Variants in KIFC3 observed in about 807,000 individuals in gnomAD.
KIFC3 encodes the protein kinesin family member C3.
A neutral mutation model predicts 101.8 loss-of-function variants in KIFC3; 60 were observed. That is an observed-to-expected ratio of 0.59 (90% CI 0.48 to 0.73). KIFC3 has a LOEUF of 0.73. Among genes scored for constraint, KIFC3 ranks in the 30% least tolerant of loss-of-function variants. The pLI is 0.00. For missense variants in KIFC3, 966 were observed against 1,137.1 expected (o/e 0.85, Z 2.16); for synonymous variants, 476 against 482.7 (o/e 0.99, Z 0.18).
intron 1 of KIFC3, among the ~76,000 whole-genome samples, chr16:57,819,295 C>T (rs1023087619): frequency 5.3e-5 from 8 of 152,138 alleles, no homozygotes; most frequent in Admixed American, 3.9e-4. Context: ...CACAGGGAGA[C>T]CCTGTCTCTA....
At chr16:57,758,964 A>G in intron 19 of KIFC3, 55 bp from the exon 20 acceptor site, 3 of 1,541,572 alleles carry the variant, frequency 1.9e-6, no homozygotes, top group Non-Finnish European at 2.6e-6. Flanking sequence ...GGCAGCCCAC[A>G]GCAGTTGCCA....
In KIFC3 at chr16:57,795,061, G is replaced by A. The variant is rs1555622071; in HGVS notation, c.253C>T (p.Arg85Ter). Residue 85 changes from arginine (R) to a stop codon, truncating the protein, a stop_gained, in exon 3 of 20, where the codon CGA becomes TGA. Transcript: ENST00000445690. LOFTEE classifies it high-confidence loss of function. Reference protein sequence around the residue: ...SAARPALAQCRALSVDWAGPG... With the variant: ...SAARPALAQC ...CCAGCCCAGTCCACGCTAAGGGCTC[G>A]GCACTGAGCTAGGGCTGGGCGAGCT... The A allele has an allele frequency of 2.5e-6, 4 of 1,604,702 alleles. No homozygotes were observed. The highest frequency in any genetic ancestry group is 1.7e-5 in the Admixed American group (1 of 58,466).
At chr16:57,847,794 G>A (rs1312162080) in intron 1 of KIFC3, among the ~76,000 whole-genome samples, 17 of 151,786 alleles carry the variant, frequency 1.1e-4, no homozygotes, top group Non-Finnish European at 1.5e-4. Context: ...GTGTGTGTGT[G>A]TGTGTGTGTG....
At chr16:57,842,524 A>C (rs1011312064) in intron 1 of KIFC3, among the ~76,000 whole-genome samples, 2 of 152,236 alleles carry the variant, frequency 1.3e-5, no homozygotes, top group African/African-American at 4.8e-5. Flanking sequence ...CAATGAGAAC[A>C]ACAACAGCAG....
chr16:57,860,659 G>A (rs969149665), intron 1 of KIFC3, among the ~76,000 whole-genome samples: 35 of 151,936 alleles, frequency 2.3e-4, no homozygotes, highest in African/African-American at 8.0e-4. Context: ...AGACTATTAC[G>A]GAGTAGGGCT....
At chr16:57,777,725 A>G (rs1257219152) in intron 3 of KIFC3, among the ~76,000 whole-genome samples, 1 of 151,004 alleles carries the variant, frequency 6.6e-6, no homozygotes, top group Non-Finnish European at 1.5e-5. Flanking sequence ...CATCTCAAAT[A>G]AAAAAAAAAT....
upstream of KIFC3, chr16:57,802,829 A>G (rs1024019245): frequency 1.4e-4 from 123 of 870,104 alleles, 2 homozygotes; most frequent in African/African-American, 1.6e-3. The surrounding 1 kb of genome is among the most constrained non-coding windows in gnomAD (Gnocchi z 5.0). Context: ...CTGGTGAGCC[A>G]TGCGTACTTT....
Position 57,769,739 on chromosome 16 carries a change from C to A in KIFC3, c.1088-14G>T. On this transcript the variant is annotated splice_polypyrimidine_tract_variant and intron_variant, in intron 8 of 19. Transcript: ENST00000445690. The surrounding 1 kb of genome is among the most constrained non-coding windows in gnomAD (Gnocchi z 4.3). ...TGGTCCGGACGCCTATGGGGACACT[C>A]GGGCTGTGAGGCGGGAGGGGATGAG... is the stretch of plus-strand genomic sequence containing the variant. 6.2e-7 allele frequency: 1 copy of A among 1,612,860 alleles called. No individual in the cohort carries two copies. Among genetic ancestry groups the A allele is most frequent in the Non-Finnish European group, 8.5e-7 (1 of 1,179,754 alleles).
rs782127281 is a variant in KIFC3 at position 57,758,921 on chromosome 16, T to C, written c.*25-12A>G. 6 of 1,566,124 alleles carry C rather than the reference T, an allele frequency of 3.8e-6. No individual in the cohort carries two copies. Among genetic ancestry groups the C allele is most frequent in the Non-Finnish European group, 5.2e-6 (6 of 1,156,254 alleles). ...TGGCCGCGACTTCCCTGCAGGGGCA[T>C]GAGATCATCAGCCTCTTGTCCACTT... On this transcript the variant is annotated splice_polypyrimidine_tract_variant and intron_variant, in intron 19 of 19. Coordinates refer to ENST00000445690, the MANE Select transcript of KIFC3 (RefSeq NM_001130100.2).
At chr16:57,790,885 T>C in intron 3 of KIFC3, 1 of 984,912 alleles carries the variant, frequency 1.0e-6, no homozygotes, top group Non-Finnish European at 1.2e-6. Context: ...CCCCTCCCTC[T>C]CTCGACCCAG....
chr16:57,802,870 C>A (rs2054831380), upstream of KIFC3: 1 of 1,199,034 alleles, frequency 8.3e-7, no homozygotes, highest in Non-Finnish European at 1.2e-6. This position sits in a 1 kb window ranked among gnomAD's most constrained non-coding sequence, Gnocchi z 5.0. Flanking sequence ...TGCAAAACTT[C>A]CACGCGAGTA....
At chr16:57,782,306 G>T in intron 3 of KIFC3, 1 of 219,960 alleles carries the variant, frequency 4.5e-6, no homozygotes, top group Non-Finnish European at 7.7e-6. Context: ...CTGGCACATG[G>T]CACAGCCAGA....
At chr16:57,853,573 A>C (rs2056102145) in intron 1 of KIFC3, among the ~76,000 whole-genome samples, 1 of 152,184 alleles carries the variant, frequency 6.6e-6, no homozygotes, top group African/African-American at 2.4e-5. Context: ...ATTAAGTGTA[A>C]ATAGTCTAAA....
At chr16:57,816,036 AG>A (rs1348135985) in intron 1 of KIFC3, among the ~76,000 whole-genome samples, 4 of 152,152 alleles carry the variant, frequency 2.6e-5, no homozygotes, top group African/African-American at 9.7e-5. Context: ...TTTCCTCCTG[AG>A]GCCTCCTTGG....
In KIFC3 at chr16:57,827,547, G is replaced by A. The variant is rs113310596; in HGVS notation, c.109-29265C>T. 9.1e-4 allele frequency among the ~76,000 whole-genome samples: 138 copies of A among 152,274 alleles called. 1 individual carries two copies. Among genetic ancestry groups the A allele is most frequent in the African/African-American group, 2.9e-3 (119 of 41,552 alleles). On this transcript the variant is annotated intron_variant, in intron 1 of 2. Coordinates refer to the KIFC3 transcript ENST00000563028. ...GTCCCTCAGAGTTCCTGGAGCTTCC[G>A]TTCTGCTGAGCCTCATGCTGCCCAT...
At chr16:57,814,433 C>T (rs567569282) in intron 1 of KIFC3, among the ~76,000 whole-genome samples, 1 of 152,286 alleles carries the variant, frequency 6.6e-6, no homozygotes, top group African/African-American at 2.4e-5. Context: ...TAGGGTAAGT[C>T]TCTGAGCCTC....
chr16:57,775,445 G>C, intron 3 of KIFC3: 2 of 1,009,400 alleles, frequency 2.0e-6, no homozygotes, highest in Non-Finnish European at 2.4e-6. Flanking sequence ...GGCTTGTAGG[G>C]AAGATGTCTG....
At chr16:57,849,471 G>A (rs2056002909) in intron 1 of KIFC3, among the ~76,000 whole-genome samples, 1 of 152,090 alleles carries the variant, frequency 6.6e-6, no homozygotes, top group Non-Finnish European at 1.5e-5. Context: ...GTGCTCTGTG[G>A]GTTCATAGTG....
intron 1 of KIFC3, among the ~76,000 whole-genome samples, chr16:57,810,070 T>C (rs1379150651): frequency 4.6e-5 from 7 of 152,070 alleles, no homozygotes; most frequent in African/African-American, 1.7e-4. Flanking sequence ...TACCCCGCGG[T>C]CCAACACTCT....
Sources: gnomAD v4.1 joint callset for allele counts (sites outside exome capture counted in the v4.1 genomes callset) on GRCh38, gnomAD v4.1.1 for gene constraint, Gnocchi (gnomAD v3.1) non-coding constraint, MANE v1.5 for transcripts, NCBI Gene and HGNC (gene_info 2026-07-23, HGNC 2026-07-21) for gene names.